The following TTC7B variants were observed in gnomAD, a reference collection of about 807,000 sequenced individuals.
The protein encoded by TTC7B is tetratricopeptide repeat protein 7B.
Under a neutral mutation model 106.8 loss-of-function variants are expected in TTC7B, and 28 were observed. The ratio of observed to expected loss-of-function variants is 0.26; its 90% CI spans 0.19 to 0.36. TTC7B has a LOEUF of 0.36. Among genes scored for constraint, TTC7B ranks in the 10% least tolerant of loss-of-function variants. The pLI is 1.00. For missense variants in TTC7B, 862 were observed against 1,076.4 expected (o/e 0.80, Z 2.79); for synonymous variants, 405 against 430.6 (o/e 0.94, Z 0.74).
rs371104082 is a variant in TTC7B at position 90,608,515 on chromosome 14, C to T, written c.1966+2227G>A. ...GTTGTTGAGGAAGGGCATAGGAGCC[C>T]GCGGTCCTGACTCCAAACACCTAGG... On this transcript the variant is annotated intron_variant, in intron 17 of 19. Coordinates refer to ENST00000328459, the MANE Select transcript of TTC7B (RefSeq NM_001010854.2). This position sits in a 1 kb window ranked among gnomAD's most constrained non-coding sequence, Gnocchi z 5.1. Among the ~76,000 whole-genome samples, 5 of 152,076 alleles carry T rather than the reference C, an allele frequency of 3.3e-5. No homozygotes were observed. The highest frequency in any genetic ancestry group is 1.9e-4 in the East Asian group (1 of 5,188).
intron 1 of TTC7B, among the ~76,000 whole-genome samples, chr14:90,814,995 C>T (rs1477012568): frequency 6.6e-6 from 1 of 152,148 alleles, no homozygotes; most frequent in Non-Finnish European, 1.5e-5. Context: ...CCATAGGACA[C>T]AAACATAAAC....
At chr14:90,617,830 G>A in intron 16 of TTC7B, 99 bp downstream of exon 16, 5 of 885,810 alleles carry the variant, frequency 5.6e-6, no homozygotes, top group Non-Finnish European at 1.9e-6. Context: ...GTGCACAGGG[G>A]TGACAGAGTT....
Position 90,657,145 on chromosome 14 carries a change from G to A in TTC7B, c.1341+29C>T. 6.3e-7 allele frequency: 1 copy of A among 1,595,956 alleles called. No individual in the cohort carries two copies. The highest frequency in any genetic ancestry group is 8.6e-7 in the Non-Finnish European group (1 of 1,164,818). On this transcript the variant is annotated intron_variant, in intron 11 of 19. Coordinates refer to ENST00000328459, the MANE Select transcript of TTC7B (RefSeq NM_001010854.2). The surrounding 1 kb of genome is among the most constrained non-coding windows in gnomAD (Gnocchi z 4.2). ...CAGTCCTGGCCCAGAGTCCTCTGCA[G>A]GAGCGGGGAGGGGGGCGCCCCTACT...
rs182630238 is a variant in TTC7B at position 90,577,005 on chromosome 14, A to C, written c.2310+1101T>G. On this transcript the variant is annotated intron_variant, in intron 19 of 19. Coordinates refer to ENST00000328459, the MANE Select transcript of TTC7B (RefSeq NM_001010854.2). This position sits in a 1 kb window ranked among gnomAD's most constrained non-coding sequence, Gnocchi z 5.0. ...CCTGAGGTTAAAGAGCAAGCAGCTG[A>C]TGTCGCTGGGACCAGAACTGTGTCC... Among the ~76,000 whole-genome samples, 1 of 152,128 alleles carries C rather than the reference A, an allele frequency of 6.6e-6. No individual in the cohort carries two copies. Among genetic ancestry groups the C allele is most frequent in the African/African-American group, 2.4e-5 (1 of 41,406 alleles).
At chr14:90,815,496 G>A (rs769913008) in intron 1 of TTC7B, among the ~76,000 whole-genome samples, 1 of 151,322 alleles carries the variant, frequency 6.6e-6, no homozygotes, top group Non-Finnish European at 1.5e-5. Flanking sequence ...TTCCCATCTC[G>A]CTCCACAATA....
chr14:90,571,465 G>A (rs193199303), intron 19 of TTC7B, among the ~76,000 whole-genome samples: 3 of 152,360 alleles, frequency 2.0e-5, no homozygotes, highest in Admixed American at 6.5e-5. Context: ...GCACATGGAC[G>A]CATTGGAAGG....
In TTC7B at chr14:90,540,016, C is replaced by T. The variant is rs954858557; in HGVS notation, c.*1352G>A. The stretch of plus-strand genomic sequence containing the variant: ...TGAATTGCATGCTCCAATTCCAAAG[C>T]CCCATCGGGGGAGAGCTAAGGCGAA... On this transcript the variant is annotated 3_prime_UTR_variant, in exon 20 of 20. Transcript: ENST00000328459. 6 of 152,300 alleles carry T rather than the reference C, an allele frequency of 3.9e-5. No individual in the cohort carries two copies. The highest frequency in any genetic ancestry group is 8.8e-5 in the Non-Finnish European group (6 of 68,096). 9.4% of individuals were successfully genotyped at this position (152,300 alleles called of 1,614,324 possible). A position where few individuals can be genotyped will look rare whatever the true frequency, so the allele number is the denominator to read the frequency against.
Position 90,644,295 on chromosome 14 carries a change from ATCTTTTCAATG to A in TTC7B, c.1591-98_1591-88del. ...CACACACACACGCGCGAAAGAAGCCATCTTTTCAATGTCTGCTTCTCTTCAAATATTGAGTT... is the reference window on the plus strand; with the variant it reads ...CACACACACACGCGCGAAAGAAGCCATCTGCTTCTCTTCAAATATTGAGTT... On this transcript the variant is annotated intron_variant, in intron 14 of 19. Coordinates refer to ENST00000328459, the MANE Select transcript of TTC7B (RefSeq NM_001010854.2). 2.5e-6 allele frequency: 3 copies of A among 1,211,006 alleles called. No homozygotes were observed. The South Asian group carries it at 5.0e-5, about 20-fold the overall frequency. The allele number at this position is 1,211,006 out of a possible 1,614,324, so 75.0% of individuals were successfully genotyped here.
intron 15 of TTC7B, among the ~76,000 whole-genome samples, chr14:90,625,832 T>C (rs1454145790): frequency 6.6e-6 from 1 of 152,230 alleles, no homozygotes; most frequent in East Asian, 1.9e-4. Context: ...TCTTAGATCA[T>C]CTGGCTTACC....
intron 19 of TTC7B, among the ~76,000 whole-genome samples, chr14:90,556,682 C>A (rs192398248): frequency 1.0e-3 from 157 of 152,314 alleles, no homozygotes; most frequent in Non-Finnish European, 1.7e-3. Flanking sequence ...CTAATCACCC[C>A]CTAAAGACCC....
At chr14:90,610,640 T>C in intron 17 of TTC7B, 102 bp downstream of exon 17, 1 of 826,178 alleles carries the variant, frequency 1.2e-6, no homozygotes, top group Non-Finnish European at 2.1e-6. Flanking sequence ...TGCAAGAAAT[T>C]TTTCCAACCC....
chr14:90,625,300 G>A (rs748586052), intron 15 of TTC7B, among the ~76,000 whole-genome samples: 1 of 152,228 alleles, frequency 6.6e-6, no homozygotes. Flanking sequence ...GATCAGCCCA[G>A]TGCTGCCCAA....
At chr14:90,653,291 C>T (rs779243222) in intron 12 of TTC7B, among the ~76,000 whole-genome samples, 6 of 152,196 alleles carry the variant, frequency 3.9e-5, no homozygotes, top group Non-Finnish European at 8.8e-5. Flanking sequence ...GTTGCAAGCA[C>T]CGGCAGTGTT....
chr14:90,783,382 A>G (rs1891281519), intron 2 of TTC7B, among the ~76,000 whole-genome samples: 1 of 152,224 alleles, frequency 6.6e-6, no homozygotes, highest in South Asian at 2.1e-4. Context: ...GCTTTGGAAC[A>G]TTCTTTATAA....
rs1455130632 is a variant in TTC7B, at chr14:90,526,173, C to T, written c.*15195G>A. ...ACGTATGAGGGTTCCAATTTCCCCA[C>T]GTCCTCACAAACATTTGTTATTGTC... On this transcript the variant is annotated 3_prime_UTR_variant, in exon 20 of 20. Coordinates refer to ENST00000328459, the MANE Select transcript of TTC7B (RefSeq NM_001010854.2). The T allele has an allele frequency of 1.3e-5, 2 of 152,128 alleles. No homozygotes were observed. Among genetic ancestry groups the T allele is most frequent in the African/African-American group, 2.4e-5 (1 of 41,418 alleles). 9.4% of individuals were successfully genotyped at this position (152,128 alleles called of 1,614,324 possible).
At position 90,532,222 on chromosome 14, in the gene TTC7B, A is replaced by C. The variant is rs1437828576; in HGVS notation, c.*9146T>G. The C allele has an allele frequency of 6.6e-6, 1 of 152,236 alleles. No individual in the cohort carries two copies. Among genetic ancestry groups the C allele is most frequent in the African/African-American group, 2.4e-5 (1 of 41,462 alleles). The allele number at this position is 152,236 out of a possible 1,614,324, so 9.4% of individuals were successfully genotyped here. ...AAAACTACATAAAACTATTTGTAAA[A>C]CTATATAAAACTACATAAAAATATT... On this transcript the variant is annotated 3_prime_UTR_variant, in exon 20 of 20. Coordinates refer to ENST00000328459, the MANE Select transcript of TTC7B (RefSeq NM_001010854.2).
At chr14:90,591,294 T>A (rs1472756178) in intron 18 of TTC7B, among the ~76,000 whole-genome samples, 1 of 152,116 alleles carries the variant, frequency 6.6e-6, no homozygotes, top group Non-Finnish European at 1.5e-5. Context: ...TAAGCTGAGA[T>A]CACACCGTTG....
chr14:90,561,701 C>A (rs1890591149), intron 19 of TTC7B, among the ~76,000 whole-genome samples: 1 of 152,200 alleles, frequency 6.6e-6, no homozygotes, highest in South Asian at 2.1e-4. Context: ...CACTTCTGCT[C>A]CTGACACTTA....
At chr14:90,731,122 T>G (rs1595331431) in intron 4 of TTC7B, among the ~76,000 whole-genome samples, 2 of 152,134 alleles carry the variant, frequency 1.3e-5, no homozygotes, top group South Asian at 4.2e-4. Flanking sequence ...ATTTTTTTTT[T>G]TGTATTTTTA....
Sources: gnomAD v4.1 joint callset for allele counts (sites outside exome capture counted in the v4.1 genomes callset) on GRCh38, gnomAD v4.1.1 for gene constraint, Gnocchi (gnomAD v3.1) non-coding constraint, MANE v1.5 for transcripts, NCBI Gene and HGNC (gene_info 2026-07-23, HGNC 2026-07-21) for gene names.